The following HDAC5 variants were observed in gnomAD, a reference collection of about 807,000 sequenced individuals.
HDAC5 encodes the protein antigen NY-CO-9.
A neutral mutation model predicts 133.3 loss-of-function variants in HDAC5; 25 were observed. The ratio of observed to expected loss-of-function variants is 0.19; its 90% CI spans 0.14 to 0.26. HDAC5 has a LOEUF of 0.26. Ranked by LOEUF, HDAC5 falls within the 10% of genes least tolerant of loss-of-function variation. The pLI, the probability that HDAC5 is intolerant of heterozygous loss-of-function variation, is 1.00. For missense variants in HDAC5, 1,041 were observed against 1,460.5 expected (o/e 0.71, Z 4.68); for synonymous variants, 589 against 610.8 (o/e 0.96, Z 0.53).
rs2052394332 is a variant in HDAC5 at position 44,112,306 on chromosome 17, C to T, written c.23-1506G>A. 5.3e-5 allele frequency among the ~76,000 whole-genome samples: 8 copies of T among 152,236 alleles called. No homozygotes were observed. The South Asian group carries it at 1.7e-3, about 32-fold the overall frequency. On this transcript the variant is annotated intron_variant, in intron 2 of 26. Transcript: ENST00000682912. Reference sequence around the variant, plus strand: ...CAGCACAGCCCCTGCTCCCTGGGTCCTGGGGCTGGTGCACCATGAGGACCA... The same window carrying T: ...CAGCACAGCCCCTGCTCCCTGGGTCTTGGGGCTGGTGCACCATGAGGACCA...
intron 6 of HDAC5, 110 bp downstream of exon 6, chr17:44,092,982 G>A: frequency 1.3e-6 from 1 of 750,656 alleles, no homozygotes; most frequent in Non-Finnish European, 2.2e-6. Context: ...TCTAAGGAGA[G>A]ATTGCAGGGC....
chr17:44,108,157 C>T (rs1454193752), intron 3 of HDAC5, among the ~76,000 whole-genome samples: 1 of 152,186 alleles, frequency 6.6e-6, no homozygotes, highest in Non-Finnish European at 1.5e-5. Flanking sequence ...CCTCTGATCG[C>T]TAAGAGCAGA....
intron 16 of HDAC5, among the ~76,000 whole-genome samples, 164 bp from the exon 17 acceptor site, chr17:44,084,018 A>G (rs893174477): frequency 5.3e-5 from 8 of 152,102 alleles, no homozygotes; most frequent in East Asian, 1.9e-4. Context: ...CAGCTACTCA[A>G]TAGGCTCAGG....
At chr17:44,090,622 G>A (rs1183420005) in intron 11 of HDAC5, among the ~76,000 whole-genome samples, 1 of 151,710 alleles carries the variant, frequency 6.6e-6, no homozygotes, top group Admixed American at 6.6e-5. Context: ...TGATCCACCT[G>A]CCTTGGCCTC....
Position 44,083,839 on chromosome 17 carries a change from T to A in HDAC5, c.2321A>T (p.Lys774Met), listed in dbSNP as rs1421941052. The stretch of plus-strand genomic sequence containing the variant: ...CCCACAAGGCAGCACAGCATACATC[T>A]TCTGGCTGATGGGGCCTGCATGGAA... ...SKKLLGPISQ[K>M]MYAVLPCGGI... The change falls in exon 17 of 27, where the codon AAG (lysine) becomes ATG (methionine). Residue 774 changes from lysine (K) to methionine (M), a missense_variant. By Grantham distance (95) the Lys-to-Met change is moderately conservative. Coordinates refer to ENST00000682912, the MANE Select transcript of HDAC5 (RefSeq NM_005474.5). 6.2e-7 allele frequency: 1 copy of A among 1,608,438 alleles called. No homozygotes were observed.
At chr17:44,096,556 C>T (rs371694659) in intron 3 of HDAC5, among the ~76,000 whole-genome samples, 1 of 151,712 alleles carries the variant, frequency 6.6e-6, no homozygotes, top group Non-Finnish European at 1.5e-5. Flanking sequence ...TCACTGCAAC[C>T]TCTGCCTCCT....
At chr17:44,108,995 C>A (rs943278925) in intron 3 of HDAC5, among the ~76,000 whole-genome samples, 1 of 152,102 alleles carries the variant, frequency 6.6e-6, no homozygotes, top group Non-Finnish European at 1.5e-5. Flanking sequence ...GAGGGGCTGC[C>A]TGGGAGTCCA....
At chr17:44,109,007 G>A (rs1272129612) in intron 3 of HDAC5, among the ~76,000 whole-genome samples, 1 of 152,146 alleles carries the variant, frequency 6.6e-6, no homozygotes, top group East Asian at 1.9e-4. Context: ...GGGAGTCCAT[G>A]CAGGGGCAGC....
intron 7 of HDAC5, 32 bp from the exon 8 acceptor site, chr17:44,092,559 C>A: frequency 6.2e-7 from 1 of 1,602,350 alleles, no homozygotes. Flanking sequence ...TTCAGATACG[C>A]GCACAGCAGC....
intron 3 of HDAC5, among the ~76,000 whole-genome samples, chr17:44,095,554 G>T (rs916673629): frequency 1.3e-5 from 2 of 152,150 alleles, no homozygotes; most frequent in Admixed American, 6.5e-5. Context: ...TCGGGGAAAG[G>T]GGGTGCAGGG....
At chr17:44,084,072 C>T (rs981231532) in intron 16 of HDAC5, among the ~76,000 whole-genome samples, 1 of 151,808 alleles carries the variant, frequency 6.6e-6, no homozygotes. Flanking sequence ...TCGCAGTGAG[C>T]TGAGATCGCA....
intron 7 of HDAC5, 67 bp from the exon 8 acceptor site, chr17:44,092,594 G>A (rs2051009097): frequency 1.9e-6 from 3 of 1,566,592 alleles, no homozygotes; most frequent in East Asian, 4.5e-5. Context: ...GAGCCCACTG[G>A]GGTCAGGGCT....
At chr17:44,098,514 G>A (rs542834155) in intron 3 of HDAC5, among the ~76,000 whole-genome samples, 4 of 152,120 alleles carry the variant, frequency 2.6e-5, no homozygotes, top group South Asian at 2.1e-4. Flanking sequence ...TGAGGCGGGC[G>A]GATCACCTGA....
At chr17:44,081,406 T>G (rs1410244174) in intron 20 of HDAC5, among the ~76,000 whole-genome samples, 1 of 149,092 alleles carries the variant, frequency 6.7e-6, no homozygotes, top group South Asian at 2.1e-4. Flanking sequence ...CCCACCACTA[T>G]GCCCGGCCAA....
chr17:44,101,691 G>GCAGAT (rs2051620250), intron 3 of HDAC5, among the ~76,000 whole-genome samples: 1 of 152,172 alleles, frequency 6.6e-6, no homozygotes, highest in African/African-American at 2.4e-5. Context: ...AGGCTGCTCT[G>GCAGAT]CAGATGATCC....
intron 1 of HDAC5, among the ~76,000 whole-genome samples, chr17:44,122,006 G>C (rs1315941837): frequency 6.6e-6 from 1 of 152,130 alleles, no homozygotes; most frequent in Non-Finnish European, 1.5e-5. Context: ...CAAGTGAAGA[G>C]AGGGCAAAGA....
intron 1 of HDAC5, among the ~76,000 whole-genome samples, chr17:44,121,746 A>C (rs543495278): frequency 8.5e-5 from 13 of 152,210 alleles, no homozygotes; most frequent in Admixed American, 7.2e-4. Flanking sequence ...TGGGTGGGGC[A>C]TGTGAAACTG....
chr17:44,087,313 A>G (rs1206137133), intron 13 of HDAC5, 99 bp downstream of exon 13: 5 of 678,216 alleles, frequency 7.4e-6, no homozygotes, highest in Non-Finnish European at 1.1e-5. Flanking sequence ...CACAGCCTGG[A>G]AACTGCAGAT....
rs2052723798 is a variant in HDAC5, at chr17:44,117,543, C to T, written c.-28G>A. 2.5e-6 allele frequency: 4 copies of T among 1,612,674 alleles called. No individual in the cohort carries two copies. The highest frequency in any genetic ancestry group is 3.4e-6 in the Non-Finnish European group (4 of 1,179,472). ...CGGCTCTGGGCCTGCAGGAAGCTGG[C>T]GTTGGGGGCTGGGACGGGAGGGGGT... On this transcript the variant is annotated 5_prime_UTR_variant, in exon 2 of 27. Transcript: ENST00000682912. This position sits in a 1 kb window ranked among gnomAD's most constrained non-coding sequence, Gnocchi z 4.2.
Sources: allele counts gnomAD v4.1 joint callset (sites outside exome capture counted in the v4.1 genomes callset), GRCh38; gene constraint gnomAD v4.1.1; non-coding constraint Gnocchi (gnomAD v3.1); transcripts MANE v1.5; gene names NCBI Gene and HGNC (gene_info 2026-07-23, HGNC 2026-07-21).